The following OPA3 variants were observed in gnomAD, a reference collection of about 807,000 sequenced individuals.
OPA3 encodes the protein outer mitochondrial membrane lipid metabolism regulator OPA3, also known as optic atrophy 3 protein.
Under a neutral mutation model 4.0 loss-of-function variants are expected in OPA3, and 6 were observed. The observed-to-expected ratio is 1.51, with a 90% CI of 0.83 to 2.99. OPA3 has a LOEUF of 2.99. OPA3 is among the 30% of genes most tolerant of loss of function. OPA3 has a pLI of 0.00. For synonymous variants in OPA3, 105 were observed against 117.1 expected (o/e 0.90, Z 0.67); for missense variants, 235 against 256.2 (o/e 0.92, Z 0.56).
chr19:45,532,865 C>G (rs1969074267), intron 1 of OPA3, among the ~76,000 whole-genome samples: 1 of 152,088 alleles, frequency 6.6e-6, no homozygotes, highest in Admixed American at 6.6e-5. Context: ...GCATGAGCCA[C>G]TGTGCCCAGC....
chr19:45,566,695 C>T (rs963669153), intron 1 of OPA3, among the ~76,000 whole-genome samples: 4 of 151,834 alleles, frequency 2.6e-5, no homozygotes, highest in African/African-American at 9.7e-5. Context: ...AGGCTGGTCT[C>T]AATCTCCTGA....
chr19:45,583,637 G>T (rs1217216058), intron 1 of OPA3, among the ~76,000 whole-genome samples: 1 of 152,010 alleles, frequency 6.6e-6, no homozygotes, highest in African/African-American at 2.4e-5. Flanking sequence ...AAGTAGCTGG[G>T]ATTACAGGTG....
At position 45,557,212 on chromosome 19, in the gene OPA3, G is replaced by T. The variant is rs549783663; in HGVS notation, c.143-3301C>A. ...CAGGTGGGTCTAGGTGTGCCAATGG[G>T]AGTGGGCACATACCCAGGCCACAGG... On this transcript the variant is annotated intron_variant, in intron 1 of 1. Transcript: ENST00000263275. Among the ~76,000 whole-genome samples, 433 of 152,296 alleles carry T rather than the reference G, an allele frequency of 2.8e-3. 1 individual carries two copies. Among genetic ancestry groups the T allele is most frequent in the African/African-American group, 9.2e-3 (381 of 41,558 alleles).
At chr19:45,541,303 T>C (rs1969182706), downstream of OPA3, among the ~76,000 whole-genome samples, 1 of 152,124 alleles carries the variant, frequency 6.6e-6, no homozygotes, top group Non-Finnish European at 1.5e-5. Context: ...TCTGTCACTT[T>C]TTATGGAAAA....
chr19:45,577,762 C>T (rs1353113005), intron 1 of OPA3, among the ~76,000 whole-genome samples: 4 of 152,074 alleles, frequency 2.6e-5, no homozygotes, highest in Non-Finnish European at 5.9e-5. Flanking sequence ...TTAGGAGGCA[C>T]CTCGAGTCTG....
chr19:45,555,553 C>T (rs1377314273), intron 1 of OPA3, among the ~76,000 whole-genome samples: 3 of 151,862 alleles, frequency 2.0e-5, no homozygotes, highest in Non-Finnish European at 2.9e-5. Flanking sequence ...TGCAGTGGCG[C>T]GATCTCGGCT....
At position 45,540,834 on chromosome 19, in the gene OPA3, C is replaced by T. The variant is rs180775756; in HGVS notation, c.143-11378G>A. 9.3e-4 allele frequency among the ~76,000 whole-genome samples: 142 copies of T among 152,080 alleles called. 1 individual carries two copies. Among genetic ancestry groups the T allele is most frequent in the Admixed American group, 7.8e-3 (119 of 15,250 alleles). On this transcript the variant is annotated intron_variant, in intron 1 of 1. Transcript: ENST00000323060. ...AAAACAAGCAAAAAAGCCAGAACAC[C>T]GGGGTCCAGGACCTCTCTCACTGGA...
At chr19:45,537,495 C>G (rs1224265066) in intron 1 of OPA3, among the ~76,000 whole-genome samples, 1 of 151,376 alleles carries the variant, frequency 6.6e-6, no homozygotes, top group Non-Finnish European at 1.5e-5. Context: ...CTGGAAGAAG[C>G]CATTTGCAAT....
At position 45,529,253 on chromosome 19, in the gene OPA3, G is replaced by C. The variant is rs777155225; in HGVS notation, c.346C>G (p.Arg116Gly). 3.7e-6 allele frequency: 6 copies of C among 1,613,580 alleles called. No homozygotes were observed. In the African/African-American group the frequency reaches 8.0e-5, roughly 22 times the overall value. ...CCCCGCAGCGCCTCCCTGGCAACAC[G>C]TCGCTCCTTTTCCTTGCGGCGCTGC... Residue 116 changes from arginine (R) to glycine (G), a missense_variant, in exon 2 of 2, where the codon CGT becomes GGT. Transcript: ENST00000323060.
rs1427319037 is a variant in OPA3 at position 45,529,000 on chromosome 19, CAG to C, written c.*54_*55del. 5 of 1,557,396 alleles carry C rather than the reference CAG, an allele frequency of 3.2e-6. No homozygotes were observed. The African/African-American group carries it at 5.5e-5, about 17-fold the overall frequency. On this transcript the variant is annotated 3_prime_UTR_variant, in exon 2 of 2. Coordinates refer to the OPA3 transcript ENST00000323060. ...GGACAGTGCGGAGAATAGGCCAAGA[CAG>C]AGACTTCGCAGTCCAGACAGCAGTC...
At position 45,553,554 on chromosome 19, in the gene OPA3, C is replaced by G; in HGVS notation, c.500G>C (p.Gly167Ala). Residue 167 changes from glycine to alanine, a missense_variant, in exon 2 of 2, where the codon GGC (glycine) becomes GCC (alanine). Coordinates refer to ENST00000263275, the MANE Select transcript of OPA3 (RefSeq NM_025136.4). Reference sequence around the variant, plus strand: ...AGGCACTGCGTGGGAAGCGGACCGGCCGGGATTGCAGAGCTGGGCGCGCAC... The same window carrying G: ...AGGCACTGCGTGGGAAGCGGACCGGGCGGGATTGCAGAGCTGGGCGCGCAC... ...QEVRAQLCNP[G>A]RSASHAVPAS... The G allele has an allele frequency of 1.2e-6, 2 of 1,613,366 alleles. No homozygotes were observed. Among genetic ancestry groups the G allele is most frequent in the South Asian group, 2.2e-5 (2 of 91,086 alleles).
chr19:45,565,773 C>T (rs1969573747), intron 1 of OPA3, among the ~76,000 whole-genome samples: 1 of 151,858 alleles, frequency 6.6e-6, no homozygotes, highest in African/African-American at 2.4e-5. Flanking sequence ...CCATGAGCCA[C>T]CGCGCCCGGC....
At chr19:45,539,446 G>A (rs994015006) in intron 1 of OPA3, among the ~76,000 whole-genome samples, 1 of 152,046 alleles carries the variant, frequency 6.6e-6, no homozygotes, top group South Asian at 2.1e-4. Context: ...TCACAAAAAA[G>A]TTTTAATATT....
chr19:45,571,462 T>G (rs1969665669), intron 1 of OPA3, among the ~76,000 whole-genome samples: 1 of 152,152 alleles, frequency 6.6e-6, no homozygotes. Flanking sequence ...CTAAATAATT[T>G]TACATATGTG....
In OPA3 at chr19:45,573,634, G is replaced by A. The variant is rs143454976; in HGVS notation, c.142+10989C>T. ...GGGGTCACACAGAAAGTGGCAGAGC[G>A]GGGACAGATAAGCAGGCAGCCTGGT... is the stretch of plus-strand genomic sequence containing the variant. On this transcript the variant is annotated intron_variant, in intron 1 of 1. Transcript: ENST00000263275. 2.0e-3 allele frequency among the ~76,000 whole-genome samples: 310 copies of A among 152,146 alleles called. 2 individuals are homozygous for A. Among genetic ancestry groups the A allele is most frequent in the African/African-American group, 6.8e-3 (282 of 41,506 alleles).
exon 2 of OPA3, chr19:45,529,420 A>G (rs1361605701): frequency 6.2e-7 from 1 of 1,614,172 alleles, no homozygotes; most frequent in Non-Finnish European, 8.5e-7. Context: ...GAAACCCATG[A>G]TGCGCATTTT....
intron 1 of OPA3, among the ~76,000 whole-genome samples, chr19:45,556,737 A>C (rs1194037311): frequency 1.3e-5 from 2 of 152,122 alleles, no homozygotes; most frequent in South Asian, 2.1e-4. Context: ...GGAAGACCTG[A>C]GGTGCAAGCT....
rs1969364160 is a variant in OPA3, at chr19:45,553,292, G to A, written c.*222C>T. On this transcript the variant is annotated 3_prime_UTR_variant, in exon 2 of 2. Transcript: ENST00000263275. ...CAGGTCGTCCTGGTTTGGAGTGGGG[G>A]ATAGGAGGTGAAGGATGATGGAGGG... 8 of 1,439,934 alleles carry A rather than the reference G, an allele frequency of 5.6e-6. No homozygotes were observed. Among genetic ancestry groups the A allele is most frequent in the Admixed American group, 2.6e-5 (1 of 38,064 alleles). 89.2% of individuals were successfully genotyped at this position (1,439,934 alleles called of 1,614,324 possible). A position where few individuals can be genotyped will look rare whatever the true frequency, so the allele number is the denominator to read the frequency against.
intron 1 of OPA3, among the ~76,000 whole-genome samples, chr19:45,539,407 C>T (rs141651018): frequency 0.023 from 3,442 of 152,262 alleles, 64 homozygotes; most frequent in Non-Finnish European, 0.031. Flanking sequence ...ACCTGGGCAA[C>T]ATGGCGAAAC....
Sources: gnomAD v4.1 joint callset for allele counts (sites outside exome capture counted in the v4.1 genomes callset) on GRCh38, gnomAD v4.1.1 for gene constraint, MANE v1.5 for transcripts, NCBI Gene and HGNC (gene_info 2026-07-23, HGNC 2026-07-21) for gene names.